The following CELF1 variants were observed in gnomAD, a reference collection of about 807,000 sequenced individuals.
CELF1 encodes the protein CUGBP Elav-like family member 1, also known as 50 kDa nuclear polyadenylated RNA-binding protein.
In CELF1, 10 loss-of-function variants were observed where a neutral mutation model predicts 61.8. The observed-to-expected ratio is 0.16, with a 90% CI of 0.10 to 0.27. The LOEUF (loss-of-function observed/expected upper bound fraction) is 0.27, where lower values mean the gene tolerates loss of function less well. Among genes scored for constraint, CELF1 ranks in the 10% least tolerant of loss-of-function variants. CELF1 has a pLI of 1.00. For missense variants in CELF1, 380 were observed against 639.1 expected (o/e 0.59, Z 4.37); for synonymous variants, 236 against 225.1 (o/e 1.05, Z -0.43).
At chr11:47,537,126 T>C (rs544194159) in intron 1 of CELF1, among the ~76,000 whole-genome samples, 1 of 152,320 alleles carries the variant, frequency 6.6e-6, no homozygotes, top group African/African-American at 2.4e-5. Context: ...CTTTTCTTAT[T>C]CTTTGGAGCT....
intron 13 of CELF1, 122 bp from the exon 14 acceptor site, chr11:47,473,353 T>TG: frequency 2.2e-6 from 2 of 899,244 alleles, no homozygotes; most frequent in South Asian, 1.7e-5. Flanking sequence ...GAGATTCATC[T>TG]GGGGAACTAA....
At chr11:47,535,691 A>AT (rs1329492332) in intron 1 of CELF1, among the ~76,000 whole-genome samples, 17 of 151,390 alleles carry the variant, frequency 1.1e-4, no homozygotes, top group African/African-American at 2.7e-4. Context: ...AAAAAAAAAA[A>AT]AAAATAAATC....
intron 3 of CELF1, chr11:47,496,064 G>GTTTTT: frequency 1.1e-6 from 1 of 918,890 alleles, no homozygotes; most frequent in Non-Finnish European, 1.3e-6. Flanking sequence ...TGGAACAGAA[G>GTTTTT]TGCGTGAGAA....
At chr11:47,529,077 CTTT>C (rs1162581463) in intron 1 of CELF1, among the ~76,000 whole-genome samples, 3 of 133,618 alleles carry the variant, frequency 2.2e-5, no homozygotes, top group African/African-American at 2.7e-5. Flanking sequence ...GTTTATTTTA[CTTT>C]TTTTTTTTTT....
intron 6 of CELF1, among the ~76,000 whole-genome samples, chr11:47,485,347 A>AT (rs2086106324): frequency 6.6e-6 from 1 of 151,916 alleles, no homozygotes; most frequent in African/African-American, 2.4e-5. Flanking sequence ...CACCCAGCTA[A>AT]TTTTTTGCAG....
chr11:47,552,375 A>G (rs1330129351), intron 1 of CELF1, among the ~76,000 whole-genome samples: 1 of 152,198 alleles, frequency 6.6e-6, no homozygotes, highest in Non-Finnish European at 1.5e-5. Flanking sequence ...AAAGCGCTTT[A>G]ATGTGCTCCT....
intron 5 of CELF1, 108 bp from the exon 6 acceptor site, chr11:47,486,906 CTCA>C: frequency 1.1e-6 from 1 of 877,902 alleles, no homozygotes; most frequent in Non-Finnish European, 1.9e-6. Context: ...TCTCTCTGAA[CTCA>C]TGTCTGCTTC....
At chr11:47,539,940 T>C (rs938385019) in intron 1 of CELF1, among the ~76,000 whole-genome samples, 3 of 152,256 alleles carry the variant, frequency 2.0e-5, no homozygotes, top group South Asian at 2.1e-4. Context: ...GTTCTCTGAA[T>C]GTAGGTGACT....
intron 8 of CELF1, 126 bp downstream of exon 8, chr11:47,483,327 C>T: frequency 1.4e-6 from 1 of 733,848 alleles, no homozygotes; most frequent in South Asian, 1.6e-5. Flanking sequence ...TGGTTTTTAA[C>T]TTTAAGATGT....
At chr11:47,529,676 C>G (rs1018756002) in intron 1 of CELF1, among the ~76,000 whole-genome samples, 1 of 151,734 alleles carries the variant, frequency 6.6e-6, no homozygotes, top group South Asian at 2.1e-4. Context: ...AAAAAATTAG[C>G]TGGGTGTGGT....
intron 1 of CELF1, among the ~76,000 whole-genome samples, chr11:47,545,861 G>GTC (rs1284028310): frequency 8.6e-5 from 7 of 81,506 alleles, no homozygotes; most frequent in African/African-American, 1.5e-4. Context: ...GTGTGTGTGT[G>GTC]TGTGTCTGCG....
intron 1 of CELF1, chr11:47,523,558 G>A (rs1565884598): frequency 6.6e-6 from 1 of 152,254 alleles, no homozygotes; most frequent in East Asian, 1.9e-4. Flanking sequence ...TTCAGAGCCA[G>A]AATACATCAG....
chr11:47,514,996 G>A (rs1430130458), intron 1 of CELF1: 1 of 152,258 alleles, frequency 6.6e-6, no homozygotes, highest in Non-Finnish European at 1.5e-5. Context: ...TGGGAGGTGG[G>A]AGGAGGAATC....
chr11:47,557,863 C>CT (rs568894179), upstream of CELF1: 3 of 149,106 alleles, frequency 2.0e-5, no homozygotes, highest in Non-Finnish European at 4.5e-5. Flanking sequence ...AAAGAAAACT[C>CT]TTTTTTTTTG....
chr11:47,477,504 G>C (rs772090486), intron 10 of CELF1, 79 bp from the exon 11 acceptor site: 23 of 1,466,614 alleles, frequency 1.6e-5, no homozygotes, highest in Non-Finnish European at 2.1e-5. Context: ...GCACACACTG[G>C]CAGAGGGCTG....
At position 47,471,127 on chromosome 11, in the gene CELF1, A is replaced by T. The variant is rs894057517; in HGVS notation, c.*1103T>A. 6.6e-6 allele frequency: 1 copy of T among 152,266 alleles called. No homozygotes were observed. Among genetic ancestry groups the T allele is most frequent in the Non-Finnish European group, 1.5e-5 (1 of 68,102 alleles). 9.4% of individuals were successfully genotyped at this position (152,266 alleles called of 1,614,324 possible). ...AAGGGAGAATTTCTGGCCACTGGCA[A>T]ATGAAGCATACTGGCTTGCAGGGAC... On this transcript the variant is annotated 3_prime_UTR_variant, in exon 15 of 15. Transcript: ENST00000687097.
intron 1 of CELF1, among the ~76,000 whole-genome samples, chr11:47,535,533 C>T (rs1189085165): frequency 2.0e-5 from 3 of 151,586 alleles, no homozygotes; most frequent in Admixed American, 6.6e-5. Flanking sequence ...AGAAAATTAG[C>T]CGGGCATGGT....
chr11:47,515,191 G>A (rs1020745342), intron 1 of CELF1, among the ~76,000 whole-genome samples: 1 of 152,216 alleles, frequency 6.6e-6, no homozygotes, highest in Admixed American at 6.5e-5. Context: ...AGGCACACCA[G>A]TGTTAAGTAT....
At chr11:47,473,562 A>C (rs1308687287) in intron 13 of CELF1, among the ~76,000 whole-genome samples, 1 of 152,212 alleles carries the variant, frequency 6.6e-6, no homozygotes, top group East Asian at 1.9e-4. Context: ...GGAACACAGA[A>C]GAGGAGGTGA....
Sources: gnomAD v4.1 joint callset for allele counts (sites outside exome capture counted in the v4.1 genomes callset) on GRCh38, gnomAD v4.1.1 for gene constraint, MANE v1.5 for transcripts, NCBI Gene and HGNC (gene_info 2026-07-23, HGNC 2026-07-21) for gene names.